The following PPP6R2 variants were observed in gnomAD, a reference collection of about 807,000 sequenced individuals.
PPP6R2 encodes serine/threonine-protein phosphatase 6 regulatory subunit 2.
PPP6R2 carries 62 observed loss-of-function variants against 100.2 expected under a neutral mutation model. The observed-to-expected ratio is 0.62, with a 90% CI of 0.50 to 0.76. PPP6R2 has a LOEUF of 0.76. Among genes scored for constraint, PPP6R2 ranks in the 30% least tolerant of loss-of-function variants. The pLI is 0.00. For synonymous variants in PPP6R2, 525 were observed against 514.7 expected, an observed-to-expected ratio of 1.02 and a Z score of -0.27; for missense variants, 1,142 against 1,276.3, an observed-to-expected ratio of 0.89 and a Z score of 1.60.
upstream of PPP6R2, among the ~76,000 whole-genome samples, chr22:50,342,466 T>C (rs1438703320): frequency 6.6e-6 from 1 of 152,116 alleles, no homozygotes; most frequent in Non-Finnish European, 1.5e-5. Flanking sequence ...CCTTTTCTCC[T>C]GCAACGTCTC....
intron 10 of PPP6R2, among the ~76,000 whole-genome samples, chr22:50,430,952 C>T (rs1033222338): frequency 6.6e-6 from 1 of 151,890 alleles, no homozygotes; most frequent in East Asian, 1.9e-4. Flanking sequence ...CCAACAGACA[C>T]CCACAGGCAG....
intron 1 of PPP6R2, among the ~76,000 whole-genome samples, chr22:50,355,561 C>T (rs1200115730): frequency 6.8e-6 from 1 of 147,048 alleles, no homozygotes; most frequent in Non-Finnish European, 1.5e-5. Context: ...CGCTCTGTCG[C>T]CCAGGCTGGA....
intron 1 of PPP6R2, among the ~76,000 whole-genome samples, chr22:50,355,075 T>G (rs1456197807): frequency 6.6e-6 from 1 of 151,784 alleles, no homozygotes; most frequent in Non-Finnish European, 1.5e-5. Flanking sequence ...ACTCCTGGAC[T>G]TAAGCGATCC....
chr22:50,444,141 A>G (rs779547944), intron 23 of PPP6R2, 24 bp downstream of exon 23: 2 of 1,611,710 alleles, frequency 1.2e-6, no homozygotes, highest in African/African-American at 1.3e-5. Flanking sequence ...GTGTGGGGGT[A>G]GGGGGTGTGG....
intron 2 of PPP6R2, among the ~76,000 whole-genome samples, chr22:50,388,179 A>T (rs7285132): frequency 0.76 from 107,265 of 141,818 alleles, 39,573 homozygotes; most frequent in African/African-American, 0.91. Context: ...TTTTAGGATT[A>T]AAAAAAAAAA....
upstream of PPP6R2, among the ~76,000 whole-genome samples, chr22:50,339,310 T>G (rs1263821984): frequency 1.5e-4 from 15 of 101,672 alleles, no homozygotes; most frequent in Admixed American, 4.0e-4. Flanking sequence ...GTGGTGTGTG[T>G]TGTGGGTGTA....
At chr22:50,337,482 CTGCG>C in the PPP6R2 span, among the ~76,000 whole-genome samples, 1 of 86,350 alleles carries the variant, frequency 1.2e-5, no homozygotes, top group East Asian at 3.4e-4. Flanking sequence ...TAGTGTTTGT[CTGCG>C]ATGTGTGGTG....
chr22:50,367,984 C>T (rs893271537), intron 1 of PPP6R2, among the ~76,000 whole-genome samples: 4 of 152,180 alleles, frequency 2.6e-5, no homozygotes, highest in East Asian at 1.9e-4. Flanking sequence ...ATGCGAGTCA[C>T]GTGTCCACTG....
Position 50,439,784 on chromosome 22 carries a change from G to A in PPP6R2, c.2212G>A (p.Val738Met). Residue 738 changes from valine to methionine, a missense_variant, in exon 20 of 24, where the codon GTG becomes ATG. Val to Met is a conservative substitution (Grantham distance 21). This residue lies in a region of PPP6R2 where 550 missense variants were observed against 517.4 expected (regional missense o/e 1.06). Coordinates refer to ENST00000612753, the MANE Select transcript of PPP6R2 (RefSeq NM_001242898.2). The stretch of plus-strand genomic sequence containing the variant: ...AGTGGTGAGGGACGTGGGTTCCAGT[G>A]TGTGGGCAGCTGGCACCTCAGCTCC... ...PGVVRDVGSS[V>M]WAAGTSAPEE... 1 of 1,613,888 alleles carries A rather than the reference G, an allele frequency of 6.2e-7. No individual in the cohort carries two copies. The highest frequency in any genetic ancestry group is 8.5e-7 in the Non-Finnish European group (1 of 1,179,968).
Position 50,360,200 on chromosome 22 carries a change from G to A in PPP6R2, c.-147-11820G>A, listed in dbSNP as rs188540022. On this transcript the variant is annotated intron_variant, in intron 1 of 23. Coordinates refer to ENST00000612753, the MANE Select transcript of PPP6R2 (RefSeq NM_001242898.2). The stretch of plus-strand genomic sequence containing the variant: ...CCCAAGTAGCTGGGACTACAGGTGC[G>A]TGCCACCACGCCTGGCTGATTTTTG... Among the ~76,000 whole-genome samples, 36 of 151,896 alleles carry A rather than the reference G, an allele frequency of 2.4e-4. No individual in the cohort carries two copies. The East Asian group carries it at 4.3e-3, about 18-fold the overall frequency.
rs925738982 is a variant in PPP6R2, at chr22:50,444,467, G to A, written c.*220G>A. On this transcript the variant is annotated 3_prime_UTR_variant, in exon 24 of 24. Transcript: ENST00000612753. ...ACTCGTGCCCTGCTGGAGGACAGAG[G>A]GGCACCTCAGCCGCCCCCAAGCCCA... is the stretch of plus-strand genomic sequence containing the variant. The A allele has an allele frequency of 3.7e-6, 2 of 539,762 alleles. No individual in the cohort carries two copies. The highest frequency in any genetic ancestry group is 7.3e-5 in the Admixed American group (2 of 27,344). 33.4% of individuals were successfully genotyped at this position (539,762 alleles called of 1,614,324 possible).
At chr22:50,398,592 T>G (rs559835650) in intron 3 of PPP6R2, among the ~76,000 whole-genome samples, 1 of 150,704 alleles carries the variant, frequency 6.6e-6, no homozygotes, top group South Asian at 2.1e-4. Context: ...CTTGGCTCAC[T>G]GCAACCTCCG....
intron 22 of PPP6R2, among the ~76,000 whole-genome samples, chr22:50,442,124 C>T (rs1253767780): frequency 1.3e-5 from 2 of 152,162 alleles, no homozygotes; most frequent in Admixed American, 6.5e-5. Flanking sequence ...TGAGGGTGTC[C>T]CCCAGCCTCA....
chr22:50,371,804 T>G (rs1459729015), intron 1 of PPP6R2, among the ~76,000 whole-genome samples: 1 of 152,016 alleles, frequency 6.6e-6, no homozygotes, highest in East Asian at 1.9e-4. Context: ...ACCCGGCTAA[T>G]TTTTGTATTT....
chr22:50,431,446 C>A lies in PPP6R2; in HGVS notation c.1335+64C>A. Reference sequence around the variant, plus strand: ...CGCCCCACTCAGACCGTGTCCATGTCAGCGCTGACGTGTGCCGGACCTCAC... The same window carrying A: ...CGCCCCACTCAGACCGTGTCCATGTAAGCGCTGACGTGTGCCGGACCTCAC... On this transcript the variant is annotated intron_variant, in intron 11 of 23. Coordinates refer to ENST00000612753, the MANE Select transcript of PPP6R2 (RefSeq NM_001242898.2). This position sits in a 1 kb window ranked among gnomAD's most constrained non-coding sequence, Gnocchi z 4.8. 2 of 1,452,160 alleles carry A rather than the reference C, an allele frequency of 1.4e-6. No individual in the cohort carries two copies. The highest frequency in any genetic ancestry group is 1.2e-5 in the South Asian group (1 of 84,232). The allele number at this position is 1,452,160 out of a possible 1,614,324, so 90.0% of individuals were successfully genotyped here.
chr22:50,361,279 G>A (rs1433422954), intron 1 of PPP6R2, among the ~76,000 whole-genome samples: 1 of 152,180 alleles, frequency 6.6e-6, no homozygotes, highest in East Asian at 1.9e-4. Flanking sequence ...GAGAACATGG[G>A]CTTTGCTCTC....
chr22:50,357,987 T>C (rs2046974106), intron 1 of PPP6R2, among the ~76,000 whole-genome samples: 1 of 152,110 alleles, frequency 6.6e-6, no homozygotes, highest in African/African-American at 2.4e-5. Flanking sequence ...GGTCTCGCTT[T>C]GTTGCCTAGG....
chr22:50,408,194 T>G (rs1431489636), intron 4 of PPP6R2, among the ~76,000 whole-genome samples: 1 of 152,168 alleles, frequency 6.6e-6, no homozygotes, highest in Non-Finnish European at 1.5e-5. Flanking sequence ...GCTATGTATC[T>G]CTAAAATAAA....
chr22:50,438,436 C>T (rs1475916669), intron 18 of PPP6R2, 138 bp downstream of exon 18: 17 of 1,459,942 alleles, frequency 1.2e-5, no homozygotes, highest in East Asian at 9.1e-5. Context: ...CCCAATGCAG[C>T]GGGTGACCCT....
Sources: gnomAD v4.1 joint callset for allele counts (sites outside exome capture counted in the v4.1 genomes callset) on GRCh38, gnomAD v4.1.1 for gene constraint, gnomAD v4.1.1 regional missense constraint, Gnocchi (gnomAD v3.1) non-coding constraint, MANE v1.5 for transcripts, NCBI Gene and HGNC (gene_info 2026-07-23, HGNC 2026-07-21) for gene names.